MAML2: variants seen among roughly 807,000 people sequenced by gnomAD.
The protein encoded by MAML2 is mastermind like transcriptional coactivator 2.
MAML2 carries 22 observed loss-of-function variants against 96.1 expected under a neutral mutation model. The ratio of observed to expected loss-of-function variants is 0.23; its 90% confidence interval spans 0.16 to 0.33. The LOEUF is 0.33. Among genes scored for constraint, MAML2 ranks in the 10% least tolerant of loss-of-function variants. The probability of loss-of-function intolerance (pLI) is 1.00; values close to 1 mark genes in which losing one functional copy is unlikely to be tolerated. For synonymous variants in MAML2, 561 were observed against 521.3 expected, an observed-to-expected ratio of 1.08 and a Z score of -1.04; for missense variants, 1,367 against 1,392.4, an observed-to-expected ratio of 0.98 and a Z score of 0.29.
intron 3 of MAML2, 23 bp downstream of exon 3, chr11:95,991,497 T>A: frequency 6.2e-7 from 1 of 1,610,708 alleles, no homozygotes. Context: ...GTTTGTTCAG[T>A]AGAAATTAAG....
At chr11:96,141,310 A>G (rs1394236885) in intron 1 of MAML2, among the ~76,000 whole-genome samples, 9 of 152,186 alleles carry the variant, frequency 5.9e-5, no homozygotes. Context: ...TTTAATATTT[A>G]AATTTAATTA....
intron 1 of MAML2, among the ~76,000 whole-genome samples, chr11:96,223,619 T>C (rs1862171857): frequency 6.6e-6 from 1 of 152,200 alleles, no homozygotes; most frequent in South Asian, 2.1e-4. Flanking sequence ...TTGTATTATA[T>C]ATAAAGTGCA....
chr11:95,984,337 A>G (rs111497516), intron 4 of MAML2, among the ~76,000 whole-genome samples: 1 of 152,184 alleles, frequency 6.6e-6, no homozygotes, highest in Admixed American at 6.5e-5. Flanking sequence ...TAACCAACAC[A>G]TGGCTGGAAA....
chr11:96,260,462 G>T (rs766340419), intron 1 of MAML2, among the ~76,000 whole-genome samples: 38 of 152,160 alleles, frequency 2.5e-4, no homozygotes, highest in Non-Finnish European at 5.6e-4. Context: ...TGGAATGGAG[G>T]TGCAGCATAG....
intron 1 of MAML2, among the ~76,000 whole-genome samples, chr11:96,235,523 C>T (rs566519): frequency 0.086 from 13,019 of 152,230 alleles, 654 homozygotes; most frequent in Middle Eastern, 0.16. Flanking sequence ...CTCACTCCAT[C>T]CTGCCAGTAA....
At chr11:96,077,236 T>TTTTTTG (rs1408829930) in intron 2 of MAML2, among the ~76,000 whole-genome samples, 3 of 147,742 alleles carry the variant, frequency 2.0e-5, no homozygotes, top group Non-Finnish European at 3.0e-5. Context: ...TTTTTTTTTT[T>TTTTTTG]TTTAAAGACA....
chr11:96,142,389 T>G (rs906548543), intron 1 of MAML2, among the ~76,000 whole-genome samples: 1 of 152,212 alleles, frequency 6.6e-6, no homozygotes, highest in Non-Finnish European at 1.5e-5. Context: ...TCTGACTCTC[T>G]TTTTCCCTGT....
intron 1 of MAML2, among the ~76,000 whole-genome samples, chr11:96,266,668 T>C (rs1039080176): frequency 3.3e-5 from 5 of 152,210 alleles, no homozygotes; most frequent in Non-Finnish European, 7.3e-5. Context: ...ATATCTCAAT[T>C]TCAAATACTG....
intron 1 of MAML2, among the ~76,000 whole-genome samples, chr11:96,224,331 T>A (rs1862181914): frequency 6.6e-6 from 1 of 152,194 alleles, no homozygotes; most frequent in South Asian, 2.1e-4. Flanking sequence ...CTGCCCAAGG[T>A]GTGCCTTGTT....
chr11:96,001,022 A>T (rs1158217550), intron 2 of MAML2, among the ~76,000 whole-genome samples: 1 of 152,190 alleles, frequency 6.6e-6, no homozygotes, highest in Non-Finnish European at 1.5e-5. Context: ...CCTTCTATTT[A>T]ATAGGAAATT....
chr11:95,977,829 G>T lies in MAML2; in HGVS notation c.*1119C>A, dbSNP rs7114741. The stretch of plus-strand genomic sequence containing the variant: ...TTGCTCACCCAAATCCAAATAATAC[G>T]TCCAATGAAGGACAAATTGTTTTCC... On this transcript the variant is annotated 3_prime_UTR_variant, in exon 5 of 5. Transcript: ENST00000524717. The T allele has an allele frequency of 0.094, 21,225 of 225,666 alleles. 1,343 individuals are homozygous for T. Among genetic ancestry groups the T allele is most frequent in the Admixed American group, 0.22 (3,776 of 17,512 alleles). 14.0% of individuals were successfully genotyped at this position (225,666 alleles called of 1,614,324 possible).
chr11:96,260,747 A>C (rs981195291), intron 1 of MAML2, among the ~76,000 whole-genome samples: 1 of 152,084 alleles, frequency 6.6e-6, no homozygotes. Context: ...CCCTATTTGT[A>C]ATCACTTTAT....
rs118056680 is a variant in MAML2 at position 96,118,739 on chromosome 11, A to G, written c.514-25222T>C. On this transcript the variant is annotated intron_variant, in intron 1 of 4. Transcript: ENST00000524717. ...GGTCTTGAAGGGAGGAAAGGAACAG[A>G]ATAAGTCAAGAAGTGATGCAAAAAA... is the stretch of plus-strand genomic sequence containing the variant. Among the ~76,000 whole-genome samples the G allele has an allele frequency of 5.6e-3, 854 of 152,358 alleles. 1 individual carries two copies. The highest frequency in any genetic ancestry group is 8.6e-3 in the Non-Finnish European group (583 of 68,020).
chr11:96,136,233 TCTTC>T (rs1860629394), intron 1 of MAML2, among the ~76,000 whole-genome samples: 1 of 149,914 alleles, frequency 6.7e-6, no homozygotes, highest in African/African-American at 2.5e-5. Context: ...AGTTTTCTCC[TCTTC>T]CTTTTTTTTC....
In MAML2 at chr11:95,979,944, G is replaced by C. The variant is rs1857711147; in HGVS notation, c.2475C>G (p.Ser825Arg). The change falls in exon 5 of 5, where the codon AGC (serine) becomes AGG (arginine). Residue 825 changes from serine to arginine, a missense_variant. Physicochemically the swap from Ser to Arg is moderately radical, Grantham distance 110. Transcript: ENST00000524717. ...AQYSGGSSTISLNSNQALANP... is the reference protein window; with the variant it reads ...AQYSGGSSTIRLNSNQALANP... ...TTGCCAAAGCCTGGTTAGAGTTTAA[G>C]CTTATTGTGGATGAGCCACCTGAGA... 1.2e-6 allele frequency: 2 copies of C among 1,612,188 alleles called. No homozygotes were observed. The highest frequency in any genetic ancestry group is 4.5e-5 in the East Asian group (2 of 44,864).
intron 1 of MAML2, among the ~76,000 whole-genome samples, chr11:96,183,971 G>T (rs1861532619): frequency 2.6e-5 from 4 of 152,112 alleles, no homozygotes; most frequent in Admixed American, 2.6e-4. Flanking sequence ...GTTTGTTTTG[G>T]ACCAACTATG....
intron 1 of MAML2, among the ~76,000 whole-genome samples, chr11:96,276,526 G>A (rs73531103): frequency 0.013 from 2,048 of 152,266 alleles, 47 homozygotes; most frequent in African/African-American, 0.047. Flanking sequence ...AAAGCTGAGA[G>A]TGACACCTTA....
In MAML2 at chr11:96,341,528, G is replaced by C. The variant is rs950510736; in HGVS notation, c.368C>G (p.Ala123Gly). ...GTGATAGTCTGGTGGGGGCGGTGGGGCTGCTGTTGCTGCTGCTTGGGAGGC... is the reference window on the plus strand; with the variant it reads ...GTGATAGTCTGGTGGGGGCGGTGGGCCTGCTGTTGCTGCTGCTTGGGAGGC... ...PAASQAAATA[A>G]PPPPPDYHHH... The change falls in exon 1 of 5, where the codon GCC becomes GGC. Residue 123 changes from alanine to glycine, a missense_variant. Ala to Gly is a moderately conservative substitution (Grantham distance 60, BLOSUM62 0). Transcript: ENST00000524717. 9.0e-6 allele frequency: 14 copies of C among 1,551,300 alleles called. No individual in the cohort carries two copies. In the Admixed American group the frequency reaches 2.0e-4, roughly 22 times the overall value.
At chr11:96,170,996 G>A (rs575227332) in intron 1 of MAML2, among the ~76,000 whole-genome samples, 24 of 151,926 alleles carry the variant, frequency 1.6e-4, no homozygotes, top group African/African-American at 3.6e-4. Flanking sequence ...GATTACAGGC[G>A]TGAGCCAACG....
Sources: allele counts gnomAD v4.1 joint callset (sites outside exome capture counted in the v4.1 genomes callset), GRCh38; gene constraint gnomAD v4.1.1; transcripts MANE v1.5; gene names NCBI Gene and HGNC (gene_info 2026-07-23, HGNC 2026-07-21).